Variants in PPM1K observed in about 807,000 individuals in gnomAD.
PPM1K encodes the protein protein phosphatase, Mg2+/Mn2+ dependent 1K.
A neutral mutation model predicts 32.6 loss-of-function variants in PPM1K; 19 were observed. The observed-to-expected ratio is 0.58, with a 90% CI of 0.41 to 0.86. PPM1K has a LOEUF of 0.86. Among genes scored for constraint, PPM1K ranks in the 40% least tolerant of loss-of-function variants. PPM1K has a pLI of 0.00. For synonymous variants in PPM1K, 159 were observed against 165.3 expected, an observed-to-expected ratio of 0.96 and a Z score of 0.29; for missense variants, 362 against 461.2, an observed-to-expected ratio of 0.78 and a Z score of 1.97.
intron 1 of PPM1K, among the ~76,000 whole-genome samples, chr4:88,280,520 T>C (rs1334419221): frequency 6.6e-6 from 1 of 152,194 alleles, no homozygotes; most frequent in African/African-American, 2.4e-5. Flanking sequence ...ATCCCAGCAC[T>C]TTGAGAGGCC....
rs1242267775 is a variant in PPM1K, at chr4:88,259,490, A to G, written c.*3105T>C. The G allele has an allele frequency of 1.3e-5, 2 of 152,224 alleles. No individual in the cohort carries two copies. Among genetic ancestry groups the G allele is most frequent in the Non-Finnish European group, 2.9e-5 (2 of 68,040 alleles). The allele number at this position is 152,224 out of a possible 1,614,324, so 9.4% of individuals were successfully genotyped here. ...TAAATGAAAGACAAACCGAACCACA[A>G]TTGATGTTTTACTACATTAATGTAA... On this transcript the variant is annotated 3_prime_UTR_variant, in exon 7 of 7. Transcript: ENST00000608933.
chr4:88,262,549 C>T lies in PPM1K; in HGVS notation c.*46G>A, dbSNP rs1731157531. 13 of 1,603,022 alleles carry T rather than the reference C, an allele frequency of 8.1e-6. No homozygotes were observed. The East Asian group carries it at 2.9e-4, about 36-fold the overall frequency. On this transcript the variant is annotated 3_prime_UTR_variant, in exon 7 of 7. Coordinates refer to ENST00000608933, the MANE Select transcript of PPM1K (RefSeq NM_152542.5). ...TTGATCTTATCAGTTTCTTGACATG[C>T]TCAGTGAAAAACTGTTGCACAGAAA... is the stretch of plus-strand genomic sequence containing the variant.
At chr4:88,267,280 A>G (rs935645559) in intron 5 of PPM1K, among the ~76,000 whole-genome samples, 3 of 145,790 alleles carry the variant, frequency 2.1e-5, no homozygotes, top group African/African-American at 2.6e-5. Flanking sequence ...GATTGGGTGC[A>G]GGTGATGCTG....
Position 88,262,311 on chromosome 4 carries a change from A to T in PPM1K, c.*284T>A. Reference sequence around the variant, plus strand: ...CCATAGCTGCCTAAGAGTCTTAAAAATTATTAATGTGACACTCTCATCTCT... The same window carrying T: ...CCATAGCTGCCTAAGAGTCTTAAAATTTATTAATGTGACACTCTCATCTCT... On this transcript the variant is annotated 3_prime_UTR_variant, in exon 7 of 7. Coordinates refer to ENST00000608933, the MANE Select transcript of PPM1K (RefSeq NM_152542.5). 1 of 210,418 alleles carries T rather than the reference A, an allele frequency of 4.8e-6. No homozygotes were observed. Among genetic ancestry groups the T allele is most frequent in the East Asian group, 1.1e-4 (1 of 8,878 alleles). The allele number at this position is 210,418 out of a possible 1,614,324, so 13.0% of individuals were successfully genotyped here. A position where few individuals can be genotyped will look rare whatever the true frequency, so the allele number is the denominator to read the frequency against.
At chr4:88,264,486 C>G (rs940609144) in intron 6 of PPM1K, among the ~76,000 whole-genome samples, 7 of 152,290 alleles carry the variant, frequency 4.6e-5, no homozygotes, top group Admixed American at 1.3e-4. Flanking sequence ...TTGGAGCACT[C>G]TAGTTTAACG....
At chr4:88,275,594 A>C in intron 3 of PPM1K, 2 of 985,414 alleles carry the variant, frequency 2.0e-6, no homozygotes, top group Non-Finnish European at 2.4e-6. Context: ...GCCTGGGATA[A>C]ATTTGGACAT....
intron 3 of PPM1K, among the ~76,000 whole-genome samples, chr4:88,272,119 A>G (rs1731581378): frequency 6.6e-6 from 1 of 152,162 alleles, no homozygotes; most frequent in Non-Finnish European, 1.5e-5. Context: ...CTATGTATAA[A>G]CCAATACAGT....
chr4:88,276,163 C>A, intron 3 of PPM1K: 1 of 985,404 alleles, frequency 1.0e-6, no homozygotes, highest in South Asian at 4.7e-5. Flanking sequence ...CTGAACTGAC[C>A]TTTACCACTC....
In PPM1K at chr4:88,268,440, G is replaced by A. The variant is rs907954886; in HGVS notation, c.708-106C>T. On this transcript the variant is annotated intron_variant, in intron 4 of 6. Transcript: ENST00000608933. The stretch of plus-strand genomic sequence containing the variant: ...GATCGAGACCATCCTGGCTAACACG[G>A]TGAAACCCCGTCTCTACTAAAAAAC... 6.2e-6 allele frequency: 8 copies of A among 1,298,314 alleles called. No individual in the cohort carries two copies. In the South Asian group the frequency reaches 7.5e-5, roughly 12 times the overall value. The allele number at this position is 1,298,314 out of a possible 1,614,324, so 80.4% of individuals were successfully genotyped here. A position where few individuals can be genotyped will look rare whatever the true frequency, so the allele number is the denominator to read the frequency against.
At chr4:88,276,367 C>A (rs6819344) in intron 3 of PPM1K, 374,260 of 985,032 alleles carry the variant, frequency 0.38, 73,212 homozygotes, top group Non-Finnish European at 0.4. Context: ...TGCACACATT[C>A]ATTTGGCTGG....
At chr4:88,273,104 C>A (rs1198439762) in intron 3 of PPM1K, among the ~76,000 whole-genome samples, 1 of 152,132 alleles carries the variant, frequency 6.6e-6, no homozygotes, top group African/African-American at 2.4e-5. Context: ...ATTTGAAGTT[C>A]TTTATGTAGC....
At chr4:88,280,216 C>T (rs956893857) in intron 1 of PPM1K, among the ~76,000 whole-genome samples, 2 of 152,142 alleles carry the variant, frequency 1.3e-5, no homozygotes, top group South Asian at 2.1e-4. Context: ...ATTGGAATTA[C>T]AGGCATGCGC....
intron 1 of PPM1K, among the ~76,000 whole-genome samples, chr4:88,283,528 T>G (rs1732102864): frequency 6.6e-6 from 1 of 152,244 alleles, no homozygotes. Flanking sequence ...ACGTTAGCAG[T>G]GGGAGGCTCA....
At chr4:88,271,585 T>G (rs940231751) in intron 3 of PPM1K, among the ~76,000 whole-genome samples, 1 of 152,182 alleles carries the variant, frequency 6.6e-6, no homozygotes, top group African/African-American at 2.4e-5. Flanking sequence ...CTGAAATAAT[T>G]GGTCTTAAAC....
At chr4:88,276,674 T>A in intron 3 of PPM1K, 2 of 985,280 alleles carry the variant, frequency 2.0e-6, no homozygotes, top group Non-Finnish European at 2.4e-6. Context: ...ATTGTCTTTT[T>A]CTATTTAGGA....
chr4:88,278,536 C>A lies in PPM1K; in HGVS notation c.48G>T (p.Gln16His), dbSNP rs775889692. The A allele has an allele frequency of 2.0e-5, 33 of 1,613,986 alleles. No homozygotes were observed. In the Middle Eastern group the frequency reaches 9.9e-4, roughly 48 times the overall value. Reference protein sequence around the residue: ...LITLVRSGGNQVRRRVLLSSR... With the variant: ...LITLVRSGGNHVRRRVLLSSR... ...AGCTTAGCAGCACTCTCCTTCTCACCTGGTTCCCACCACTTCTGACCAAAG... is the reference window on the plus strand; with the variant it reads ...AGCTTAGCAGCACTCTCCTTCTCACATGGTTCCCACCACTTCTGACCAAAG... The change falls in exon 2 of 7, where the codon CAG becomes CAT. Residue 16 changes from glutamine (Q) to histidine (H), a missense_variant. Coordinates refer to ENST00000608933, the MANE Select transcript of PPM1K (RefSeq NM_152542.5). This position sits in a 1 kb window ranked among gnomAD's most constrained non-coding sequence, Gnocchi z 4.2.
intron 3 of PPM1K, among the ~76,000 whole-genome samples, chr4:88,269,454 A>G (rs1340400817): frequency 6.6e-6 from 1 of 152,236 alleles, no homozygotes; most frequent in East Asian, 1.9e-4. Flanking sequence ...CTACCCCTGT[A>G]TGCTTCTAAA....
chr4:88,267,064 T>C (rs551022794), intron 5 of PPM1K, among the ~76,000 whole-genome samples: 13 of 135,848 alleles, frequency 9.6e-5, no homozygotes, highest in South Asian at 2.5e-4. Context: ...GTGATGCTGA[T>C]TGGGTGCAGG....
At chr4:88,275,762 GT>G in intron 3 of PPM1K, 10 of 985,258 alleles carry the variant, frequency 1.0e-5, no homozygotes, top group Non-Finnish European at 1.2e-5. Context: ...AATTCAGGAA[GT>G]AATAAAAATA....
Sources: allele counts gnomAD v4.1 joint callset (sites outside exome capture counted in the v4.1 genomes callset), GRCh38; gene constraint gnomAD v4.1.1; non-coding constraint Gnocchi (gnomAD v3.1); transcripts MANE v1.5; gene names NCBI Gene and HGNC (gene_info 2026-07-23, HGNC 2026-07-21).